The following VPS53 variants were observed in gnomAD, a reference collection of about 807,000 sequenced individuals.
The protein encoded by VPS53 is vacuolar protein sorting-associated protein 53 homolog.
In VPS53, 70 loss-of-function variants were observed where a neutral mutation model predicts 107.0. That is an observed-to-expected ratio of 0.65 (90% CI 0.54 to 0.80). The LOEUF (loss-of-function observed/expected upper bound fraction) is 0.80. Ranked by LOEUF, VPS53 falls within the 30% of genes least tolerant of loss-of-function variation. The pLI, the probability that VPS53 is intolerant of heterozygous loss-of-function variation, is 0.00. For missense variants in VPS53, 917 were observed against 1,049.4 expected, an observed-to-expected ratio of 0.87 and a Z score of 1.74; for synonymous variants, 409 against 393.3, an observed-to-expected ratio of 1.04 and a Z score of -0.47.
At position 519,897 on chromosome 17, in the gene VPS53, A is replaced by C; in HGVS notation, c.2257T>G (p.Phe753Val). The C allele has an allele frequency of 1.3e-6, 2 of 1,551,624 alleles. No individual in the cohort carries two copies. The highest frequency in any genetic ancestry group is 2.4e-5 in the South Asian group (2 of 84,062). ...VMAPHEPLVV[F>V]VDNYIKLLTD... is the part of the protein sequence containing the mutation. ...AGAAGTTTGATGTAGTTGTCAACAAACACCACCAACGGTTCATGAGGGGCC... is the reference window on the plus strand; with the variant it reads ...AGAAGTTTGATGTAGTTGTCAACAACCACCACCAACGGTTCATGAGGGGCC... The change falls in exon 21 of 22, where the codon TTT becomes GTT. Residue 753 changes from phenylalanine (F) to valine (V), a missense_variant. Coordinates refer to ENST00000437048, the MANE Select transcript of VPS53 (RefSeq NM_001128159.3). This position sits in a 1 kb window ranked among gnomAD's most constrained non-coding sequence, Gnocchi z 5.0.
chr17:661,531 A>T (rs1168870922), intron 5 of VPS53, among the ~76,000 whole-genome samples: 2 of 149,980 alleles, frequency 1.3e-5, no homozygotes, highest in African/African-American at 2.4e-5. Flanking sequence ...AAAAAAAAAA[A>T]AAAAAATACC....
intron 11 of VPS53, among the ~76,000 whole-genome samples, chr17:603,910 C>G (rs1968441134): frequency 6.6e-6 from 1 of 152,212 alleles, no homozygotes; most frequent in Non-Finnish European, 1.5e-5. Flanking sequence ...TAGCATTAGA[C>G]TCCTGATTCC....
chr17:701,874 A>G (rs1438689282), intron 2 of VPS53, among the ~76,000 whole-genome samples: 1 of 152,118 alleles, frequency 6.6e-6, no homozygotes, highest in African/African-American at 2.4e-5. Flanking sequence ...ACAAAAAGGT[A>G]CATGCACTGA....
intron 7 of VPS53, among the ~76,000 whole-genome samples, chr17:641,752 A>G (rs78403193): frequency 0.099 from 15,067 of 152,244 alleles, 834 homozygotes; most frequent in East Asian, 0.21. Flanking sequence ...ACTGTGCCCA[A>G]CTGATTTCCT....
chr17:623,782 C>G, intron 10 of VPS53, 108 bp from the exon 11 acceptor site: 1 of 1,234,128 alleles, frequency 8.1e-7, no homozygotes, highest in South Asian at 1.7e-5. Context: ...TGTATGTGGT[C>G]ATTTCAAACC....
intron 7 of VPS53, among the ~76,000 whole-genome samples, chr17:632,156 AG>A (rs1466323466): frequency 2.0e-5 from 3 of 152,112 alleles, no homozygotes; most frequent in African/African-American, 7.2e-5. Context: ...CTGCGGCGGG[AG>A]GATCTCTTGA....
In VPS53 at chr17:624,416, G is replaced by A. The variant is rs561615985; in HGVS notation, c.975-742C>T. ...AAGCACGCTTAGCTGGTCCCTGCCC[G>A]AGAAGCTCCTGTGCAGCTCTCACTC... On this transcript the variant is annotated intron_variant, in intron 10 of 21. Coordinates refer to ENST00000437048, the MANE Select transcript of VPS53 (RefSeq NM_001128159.3). Among the ~76,000 whole-genome samples, 6 of 152,286 alleles carry A rather than the reference G, an allele frequency of 3.9e-5. No individual in the cohort carries two copies. The South Asian group carries it at 1.2e-3, about 32-fold the overall frequency.
intron 4 of VPS53, chr17:685,025 A>G (rs749630326): frequency 2.0e-5 from 3 of 152,220 alleles, no homozygotes; most frequent in Non-Finnish European, 4.4e-5. Flanking sequence ...AAAGGAAAAC[A>G]GATCCCAATA....
At chr17:662,811 A>AG (rs1466662228) in intron 4 of VPS53, among the ~76,000 whole-genome samples, 5 of 146,952 alleles carry the variant, frequency 3.4e-5, no homozygotes, top group Middle Eastern at 3.5e-3. Flanking sequence ...GAAAGAAAAA[A>AG]AGAAAGAAAG....
intron 4 of VPS53, among the ~76,000 whole-genome samples, chr17:686,031 A>T (rs1246866940): frequency 6.6e-6 from 1 of 150,986 alleles, no homozygotes; most frequent in African/African-American, 2.4e-5. Flanking sequence ...GAGAGAGAAG[A>T]GAATTGGCTG....
At chr17:535,842 G>T (rs1597258307) in intron 18 of VPS53, among the ~76,000 whole-genome samples, 1 of 152,088 alleles carries the variant, frequency 6.6e-6, no homozygotes, top group South Asian at 2.1e-4. Context: ...ACCACAAGCC[G>T]CTCCATAATT....
At chr17:552,324 T>C (rs1358951093) in intron 16 of VPS53, among the ~76,000 whole-genome samples, 2 of 132,274 alleles carry the variant, frequency 1.5e-5, no homozygotes, top group Non-Finnish European at 3.5e-5. Context: ...AATAAGTGGT[T>C]GATGTGAAAG....
At chr17:602,835 G>A (rs1597369201) in intron 11 of VPS53, among the ~76,000 whole-genome samples, 1 of 152,192 alleles carries the variant, frequency 6.6e-6, no homozygotes, top group African/African-American at 2.4e-5. Context: ...TTCACCTAGA[G>A]ATGTTGTTTA....
chr17:588,468 T>A (rs946788385), intron 12 of VPS53, among the ~76,000 whole-genome samples: 6 of 152,214 alleles, frequency 3.9e-5, no homozygotes, highest in African/African-American at 7.2e-5. Flanking sequence ...AATTTTTTTT[T>A]AAATAACACG....
At chr17:563,545 T>C (rs1255108143) in intron 13 of VPS53, among the ~76,000 whole-genome samples, 1 of 152,194 alleles carries the variant, frequency 6.6e-6, no homozygotes, top group Admixed American at 6.5e-5. Flanking sequence ...CCACCCACCT[T>C]GGCCTCCCAA....
At chr17:617,665 C>A (rs1282164713) in intron 11 of VPS53, among the ~76,000 whole-genome samples, 9 of 149,742 alleles carry the variant, frequency 6.0e-5, no homozygotes, top group African/African-American at 2.2e-4. Flanking sequence ...CCACGCCCCA[C>A]TAATATTTCC....
chr17:651,763 T>C (rs897646604), intron 7 of VPS53, among the ~76,000 whole-genome samples: 4 of 152,166 alleles, frequency 2.6e-5, no homozygotes, highest in Non-Finnish European at 4.4e-5. Flanking sequence ...TTAGAATTTG[T>C]CAATTGTGAC....
chr17:599,405 T>C (rs1968208150), intron 12 of VPS53, among the ~76,000 whole-genome samples: 1 of 152,016 alleles, frequency 6.6e-6, no homozygotes. Flanking sequence ...TGTTCTGTAC[T>C]AAGAAAACTT....
chr17:681,092 A>G (rs1972375904), intron 4 of VPS53, among the ~76,000 whole-genome samples: 1 of 152,192 alleles, frequency 6.6e-6, no homozygotes, highest in African/African-American at 2.4e-5. Flanking sequence ...AAAAATAACT[A>G]TATTTTCCCC....
Sources: gnomAD v4.1 joint callset for allele counts (sites outside exome capture counted in the v4.1 genomes callset) on GRCh38, gnomAD v4.1.1 for gene constraint, Gnocchi (gnomAD v3.1) non-coding constraint, MANE v1.5 for transcripts, NCBI Gene and HGNC (gene_info 2026-07-23, HGNC 2026-07-21) for gene names.